Variants in PAX7 observed in about 807,000 individuals in gnomAD.
PAX7 encodes the protein paired box 7.
PAX7 carries 18 observed loss-of-function variants against 50.7 expected under a neutral mutation model. That is an observed-to-expected ratio of 0.36 (90% confidence interval 0.25 to 0.53). The LOEUF is 0.53. Ranked by LOEUF, PAX7 falls within the 20% of genes least tolerant of loss-of-function variation. The pLI, the probability that PAX7 is intolerant of heterozygous loss-of-function variation, is 0.93. For synonymous variants in PAX7, 310 were observed against 290.4 expected, an observed-to-expected ratio of 1.07 and a Z score of -0.69; for missense variants, 644 against 702.9, an observed-to-expected ratio of 0.92 and a Z score of 0.95.
At chr1:18,638,800 G>A (rs1557502279) in intron 4 of PAX7, among the ~76,000 whole-genome samples, 1 of 152,128 alleles carries the variant, frequency 6.6e-6, no homozygotes, top group Non-Finnish European at 1.5e-5. Flanking sequence ...TGAGTTCCTG[G>A]GCTGGTCGGC....
At chr1:18,679,139 G>T (rs1344666467) in intron 4 of PAX7, among the ~76,000 whole-genome samples, 1 of 152,238 alleles carries the variant, frequency 6.6e-6, no homozygotes, top group African/African-American at 2.4e-5. Context: ...CCCACTGGGG[G>T]ATGCTGCATG....
intron 4 of PAX7, among the ~76,000 whole-genome samples, chr1:18,651,796 C>T (rs898503085): frequency 6.2e-5 from 9 of 145,870 alleles, no homozygotes; most frequent in Non-Finnish European, 1.4e-4. Flanking sequence ...CTTCACAGTG[C>T]CACCCCTCCC....
intron 4 of PAX7, among the ~76,000 whole-genome samples, chr1:18,652,398 T>C (rs2088447716): frequency 6.6e-6 from 1 of 152,144 alleles, no homozygotes; most frequent in Non-Finnish European, 1.5e-5. Flanking sequence ...GCTCACACAC[T>C]GGGGGAAGAG....
intron 4 of PAX7, among the ~76,000 whole-genome samples, chr1:18,676,052 C>T (rs567795361): frequency 6.6e-6 from 1 of 152,290 alleles, no homozygotes; most frequent in South Asian, 2.1e-4. Context: ...AGAAATAAGC[C>T]ACCTCGCCCA....
In PAX7 at chr1:18,745,219, A is replaced by G; in HGVS notation, c.*290A>G. On this transcript the variant is annotated 3_prime_UTR_variant, in exon 9 of 9. Coordinates refer to ENST00000420770, the MANE Select transcript of PAX7 (RefSeq NM_001135254.2). ...CCCATGGTGGCCTCTGTGCCATCTC[A>G]GGCATGGAGATTGGGGCCCACCTTG... 1 of 452,296 alleles carries G rather than the reference A, an allele frequency of 2.2e-6. No individual in the cohort carries two copies. The highest frequency in any genetic ancestry group is 4.0e-6 in the Non-Finnish European group (1 of 250,440). 28.0% of individuals were successfully genotyped at this position (452,296 alleles called of 1,614,324 possible). A position where few individuals can be genotyped will look rare whatever the true frequency, so the allele number is the denominator to read the frequency against.
In PAX7 at chr1:18,741,703, G is replaced by A. The variant is rs535235371; in HGVS notation, c.1403-3111G>A. ...GTGTGAAGTAAGGAGGGGAGGCAGC[G>A]GCTGCTGTGACTCCGGGAAAGTGTC... On this transcript the variant is annotated intron_variant, in intron 8 of 8. Coordinates refer to ENST00000420770, the MANE Select transcript of PAX7 (RefSeq NM_001135254.2). Among the ~76,000 whole-genome samples the A allele has an allele frequency of 4.1e-3, 628 of 152,358 alleles. 3 individuals carry two copies. Among genetic ancestry groups the A allele is most frequent in the Non-Finnish European group, 6.4e-3 (435 of 68,030 alleles).
At chr1:18,648,187 C>T (rs1382450408) in intron 4 of PAX7, among the ~76,000 whole-genome samples, 1 of 152,030 alleles carries the variant, frequency 6.6e-6, no homozygotes, top group African/African-American at 2.4e-5. Context: ...AGGCTCCTAC[C>T]TGACTGGCCC....
intron 7 of PAX7, among the ~76,000 whole-genome samples, chr1:18,708,534 G>A (rs1016165629): frequency 4.6e-5 from 7 of 152,052 alleles, no homozygotes; most frequent in African/African-American, 1.5e-4. Flanking sequence ...CAGCCTAGGC[G>A]ACAGAGAGAG....
intron 4 of PAX7, among the ~76,000 whole-genome samples, chr1:18,688,113 T>A (rs2089002657): frequency 6.6e-6 from 1 of 152,208 alleles, no homozygotes; most frequent in South Asian, 2.1e-4. Context: ...CAACTCTATA[T>A]CTTGTCCTAT....
At chr1:18,642,289 G>A (rs1193812993) in intron 4 of PAX7, among the ~76,000 whole-genome samples, 2 of 152,034 alleles carry the variant, frequency 1.3e-5, no homozygotes, top group Admixed American at 1.3e-4. Context: ...TGTGAGGCAA[G>A]AGCACCTAAG....
At chr1:18,679,371 C>T (rs2088866129) in intron 4 of PAX7, among the ~76,000 whole-genome samples, 1 of 152,218 alleles carries the variant, frequency 6.6e-6, no homozygotes, top group Non-Finnish European at 1.5e-5. Flanking sequence ...GAAGGAGGGT[C>T]CCGCAGGCTT....
intron 5 of PAX7, among the ~76,000 whole-genome samples, chr1:18,692,244 T>A (rs1310653156): frequency 6.6e-6 from 1 of 151,206 alleles, no homozygotes; most frequent in Non-Finnish European, 1.5e-5. Flanking sequence ...AAAGAAGGAA[T>A]GAAAGAAGGG....
Position 18,710,470 on chromosome 1 carries a change from C to A in PAX7, c.1155+7174C>A, listed in dbSNP as rs144176670. 2.5e-3 allele frequency among the ~76,000 whole-genome samples: 379 copies of A among 151,498 alleles called. 3 individuals carry two copies. The highest frequency in any genetic ancestry group is 8.6e-3 in the African/African-American group (356 of 41,206). ...AAAATGAGTCTTGCTGGACCAGGGA[C>A]GAGGAAGGAGGAGGGAGCGAGAGAT... On this transcript the variant is annotated intron_variant, in intron 7 of 8. Coordinates refer to ENST00000420770, the MANE Select transcript of PAX7 (RefSeq NM_001135254.2).
intron 4 of PAX7, among the ~76,000 whole-genome samples, chr1:18,665,041 C>T (rs736700): frequency 0.33 from 49,424 of 152,048 alleles, 8,620 homozygotes; most frequent in Middle Eastern, 0.41. Flanking sequence ...TCTCTCTGTG[C>T]CTCAGTCTGC....
At chr1:18,655,770 G>GGT (rs549280757) in intron 4 of PAX7, among the ~76,000 whole-genome samples, 19,130 of 143,444 alleles carry the variant, frequency 0.13, 1,396 homozygotes, top group Non-Finnish European at 0.17. Context: ...ACTTGGAGAG[G>GGT]GTGTGTGTGT....
intron 4 of PAX7, among the ~76,000 whole-genome samples, chr1:18,669,528 T>C (rs778164517): frequency 6.6e-6 from 1 of 152,190 alleles, no homozygotes; most frequent in Non-Finnish European, 1.5e-5. Flanking sequence ...GGCTCAGTAT[T>C]TGCATCTGGA....
rs142935136 is a variant in PAX7, at chr1:18,705,159, G to A, written c.1155+1863G>A. The stretch of plus-strand genomic sequence containing the variant: ...ACTCTCTTGCTGGGATCCCAGGTGA[G>A]CTAAACCCTGCACATGGAATACAGC... On this transcript the variant is annotated intron_variant, in intron 7 of 8. Transcript: ENST00000420770. Among the ~76,000 whole-genome samples, 366 of 152,330 alleles carry A rather than the reference G, an allele frequency of 2.4e-3. 2 individuals carry two copies. Among genetic ancestry groups the A allele is most frequent in the Non-Finnish European group, 3.3e-3 (227 of 68,038 alleles).
rs1210582298 is a variant in PAX7, at chr1:18,672,862, C to A, written c.587-18892C>A. 3.3e-5 allele frequency among the ~76,000 whole-genome samples: 5 copies of A among 152,096 alleles called. No individual in the cohort carries two copies. The East Asian group carries it at 9.7e-4, about 29-fold the overall frequency. ...CAGGTGATCTGCCTGCCTCAGCCTC[C>A]GAAAATGCTGGGATGACAGGAGTGA... On this transcript the variant is annotated intron_variant, in intron 4 of 8. Transcript: ENST00000420770.
intron 7 of PAX7, among the ~76,000 whole-genome samples, chr1:18,733,580 A>G (rs2089673659): frequency 6.6e-6 from 1 of 152,076 alleles, no homozygotes; most frequent in East Asian, 1.9e-4. Context: ...AGAGTGACAG[A>G]GGGAAAAGGT....
Sources: allele counts gnomAD v4.1 joint callset (sites outside exome capture counted in the v4.1 genomes callset), GRCh38; gene constraint gnomAD v4.1.1; transcripts MANE v1.5; gene names NCBI Gene and HGNC (gene_info 2026-07-23, HGNC 2026-07-21).